The following GATAD2B variants were observed in gnomAD, a reference collection of about 807,000 sequenced individuals.
GATAD2B encodes the protein transcriptional repressor p66-beta.
A neutral mutation model predicts 64.3 loss-of-function variants in GATAD2B; 8 were observed. The ratio of observed to expected loss-of-function variants is 0.12; its 90% CI spans 0.07 to 0.22. The LOEUF (loss-of-function observed/expected upper bound fraction) is 0.22. Among genes scored for constraint, GATAD2B ranks in the 10% least tolerant of loss-of-function variants. The probability of loss-of-function intolerance (pLI) is 1.00; values close to 1 mark genes in which losing one functional copy is unlikely to be tolerated. For missense variants in GATAD2B, 453 were observed against 752.0 expected, an observed-to-expected ratio of 0.60 and a Z score of 4.65; for synonymous variants, 281 against 271.3, an observed-to-expected ratio of 1.04 and a Z score of -0.35.
intron 1 of GATAD2B, among the ~76,000 whole-genome samples, chr1:153,840,472 G>T: frequency 6.6e-6 from 1 of 151,996 alleles, no homozygotes; most frequent in South Asian, 2.1e-4. Flanking sequence ...CGAGTAGCTA[G>T]GATTACAGGC....
chr1:153,908,704 G>C (rs1487653248), intron 1 of GATAD2B, among the ~76,000 whole-genome samples: 1 of 150,206 alleles, frequency 6.7e-6, no homozygotes, highest in Non-Finnish European at 1.5e-5. Context: ...CTGACCTCAG[G>C]TGATCCGCCC....
chr1:153,811,935 A>G (rs1674306041), intron 9 of GATAD2B, 87 bp from the exon 10 acceptor site: 1 of 1,251,020 alleles, frequency 8.0e-7, no homozygotes, highest in South Asian at 1.2e-5. Context: ...GAAGAAGACT[A>G]TGATTTCCCA....
At chr1:153,853,443 G>A (rs1319183869) in intron 1 of GATAD2B, 5 of 584,756 alleles carry the variant, frequency 8.6e-6, no homozygotes, top group East Asian at 5.8e-5. Flanking sequence ...ATCAACGGAC[G>A]GCAGTGAAGC....
At chr1:153,846,045 TACA>T (rs1014200432) in intron 1 of GATAD2B, among the ~76,000 whole-genome samples, 3 of 150,016 alleles carry the variant, frequency 2.0e-5, no homozygotes, top group Admixed American at 6.7e-5. Context: ...AATATTTACC[TACA>T]ACATTTTTTT....
intron 1 of GATAD2B, among the ~76,000 whole-genome samples, chr1:153,880,251 CAGG>C (rs1335641175): frequency 2.6e-5 from 4 of 151,946 alleles, no homozygotes; most frequent in African/African-American, 9.7e-5. Context: ...GACTTGAGGT[CAGG>C]AGATCGAGAC....
intron 1 of GATAD2B, among the ~76,000 whole-genome samples, chr1:153,842,586 T>C (rs916685182): frequency 2.0e-5 from 3 of 152,174 alleles, no homozygotes; most frequent in African/African-American, 7.2e-5. Flanking sequence ...AATTATCACT[T>C]CTGTACTGTT....
At chr1:153,851,320 A>G (rs925241410) in intron 1 of GATAD2B, among the ~76,000 whole-genome samples, 2 of 152,176 alleles carry the variant, frequency 1.3e-5, no homozygotes, top group Non-Finnish European at 1.5e-5. Flanking sequence ...TGATTGCTAG[A>G]CCATCTGGTA....
chr1:153,872,849 A>G (rs1410182493), intron 1 of GATAD2B, among the ~76,000 whole-genome samples: 1 of 152,198 alleles, frequency 6.6e-6, no homozygotes, highest in Non-Finnish European at 1.5e-5. Context: ...TCAATATATA[A>G]CAGAAGTGTT....
chr1:153,838,963 G>A (rs1171647125), intron 1 of GATAD2B, among the ~76,000 whole-genome samples: 2 of 151,812 alleles, frequency 1.3e-5, no homozygotes, highest in Non-Finnish European at 2.9e-5. Context: ...TACAAAAATT[G>A]CCGGGTGTGG....
At chr1:153,843,814 C>CCCAA (rs1675582839) in intron 1 of GATAD2B, among the ~76,000 whole-genome samples, 1 of 120,546 alleles carries the variant, frequency 8.3e-6, no homozygotes, top group Non-Finnish European at 1.6e-5. Context: ...CCACCACCAC[C>CCCAA]AAAAAAAAAA....
chr1:153,828,682 T>A (rs1470685273), intron 1 of GATAD2B, among the ~76,000 whole-genome samples: 1 of 151,886 alleles, frequency 6.6e-6, no homozygotes, highest in Non-Finnish European at 1.5e-5. Flanking sequence ...GGCTTTTATT[T>A]TATGTTCAAG....
In GATAD2B at chr1:153,853,307, T is replaced by C. The variant is rs1675969843; in HGVS notation, c.-1-24959A>G. 4 of 826,108 alleles carry C rather than the reference T, an allele frequency of 4.8e-6. No homozygotes were observed. In the South Asian group the frequency reaches 5.5e-5, roughly 11 times the overall value. The allele number at this position is 826,108 out of a possible 1,614,324, so 51.2% of individuals were successfully genotyped here. A position where few individuals can be genotyped will look rare whatever the true frequency, so the allele number is the denominator to read the frequency against. ...CTTCAAGTAGGACACTGGTCCTTTG[T>C]ACTGACATGGGCTGAGGACATGGGG... On this transcript the variant is annotated intron_variant, in intron 1 of 10. Coordinates refer to ENST00000368655, the MANE Select transcript of GATAD2B (RefSeq NM_020699.4).
At chr1:153,817,234 A>C in intron 6 of GATAD2B, 138 bp downstream of exon 6, 1 of 771,262 alleles carries the variant, frequency 1.3e-6, no homozygotes, top group South Asian at 2.4e-5. Context: ...ACTGCTCTCA[A>C]TTAAATCCCT....
At chr1:153,864,644 A>C (rs2101924079) in intron 1 of GATAD2B, among the ~76,000 whole-genome samples, 2 of 152,228 alleles carry the variant, frequency 1.3e-5, no homozygotes, top group Middle Eastern at 6.8e-3. Context: ...GAAAAGAAAG[A>C]GATGAAAGAG....
intron 1 of GATAD2B, among the ~76,000 whole-genome samples, chr1:153,866,588 C>T (rs1253466750): frequency 6.6e-6 from 1 of 152,140 alleles, no homozygotes; most frequent in Non-Finnish European, 1.5e-5. Flanking sequence ...ATCAATCAAT[C>T]CCAGTAATTA....
chr1:153,898,004 C>CAAAAAAAAAAAAAAAAAA (rs60650122), intron 1 of GATAD2B, among the ~76,000 whole-genome samples: 1 of 131,394 alleles, frequency 7.6e-6, no homozygotes, highest in African/African-American at 2.8e-5. Context: ...AAAAAAAAAA[C>CAAAAAAAAAAAAAAAAAA]AAAAAAAAAA....
At chr1:153,833,781 G>A (rs1221983845) in intron 1 of GATAD2B, among the ~76,000 whole-genome samples, 1 of 127,498 alleles carries the variant, frequency 7.8e-6, no homozygotes, top group Non-Finnish European at 1.6e-5. Context: ...CTGCGCTCCA[G>A]CCTGGGCAAC....
At position 153,816,170 on chromosome 1, in the gene GATAD2B, A is replaced by T; in HGVS notation, c.1216+103T>A. ...GGGAGGTGGTTTGGTAACAGGAAGG[A>T]GAAGTTATTTAATATTGTACAGTAC... On this transcript the variant is annotated intron_variant, in intron 7 of 10. Transcript: ENST00000368655. This position sits in a 1 kb window ranked among gnomAD's most constrained non-coding sequence, Gnocchi z 4.9. 1 of 743,452 alleles carries T rather than the reference A, an allele frequency of 1.3e-6. No homozygotes were observed. The highest frequency in any genetic ancestry group is 2.3e-6 in the Non-Finnish European group (1 of 437,728). The allele number at this position is 743,452 out of a possible 1,614,324, so 46.1% of individuals were successfully genotyped here. A position where few individuals can be genotyped will look rare whatever the true frequency, so the allele number is the denominator to read the frequency against.
chr1:153,871,342 G>C (rs1317970781), intron 1 of GATAD2B, among the ~76,000 whole-genome samples: 2 of 152,058 alleles, frequency 1.3e-5, no homozygotes, highest in Non-Finnish European at 2.9e-5. Context: ...TGGGATTACA[G>C]GCGTGAGCGA....
Sources: allele counts gnomAD v4.1 joint callset (sites outside exome capture counted in the v4.1 genomes callset), GRCh38; gene constraint gnomAD v4.1.1; non-coding constraint Gnocchi (gnomAD v3.1); transcripts MANE v1.5; gene names NCBI Gene and HGNC (gene_info 2026-07-23, HGNC 2026-07-21).